The following CTNNA2 variants were observed in gnomAD, a reference collection of about 807,000 sequenced individuals.
The protein encoded by CTNNA2 is catenin alpha 2, also known as catenin alpha-2.
Under a neutral mutation model 101.0 loss-of-function variants are expected in CTNNA2, and 42 were observed. The ratio of observed to expected loss-of-function variants is 0.42; its 90% CI spans 0.32 to 0.54. The LOEUF is 0.54. Among genes scored for constraint, CTNNA2 ranks in the 20% least tolerant of loss-of-function variants. The probability of loss-of-function intolerance (pLI) is 0.14; values close to 1 mark genes in which losing one functional copy is unlikely to be tolerated. For synonymous variants in CTNNA2, 450 were observed against 456.4 expected, an observed-to-expected ratio of 0.99 and a Z score of 0.18; for missense variants, 871 against 1,223.1, an observed-to-expected ratio of 0.71 and a Z score of 4.29.
intron 4 of CTNNA2, among the ~76,000 whole-genome samples, chr2:79,469,613 C>T (rs942660628): frequency 7.2e-5 from 11 of 152,082 alleles, no homozygotes; most frequent in East Asian, 5.8e-4. Context: ...TGATGAACAT[C>T]GATGCAAAAA....
chr2:80,131,520 T>C (rs1040751713), intron 7 of CTNNA2, among the ~76,000 whole-genome samples: 1 of 152,176 alleles, frequency 6.6e-6, no homozygotes. Flanking sequence ...ATTTTTGTTC[T>C]TAGAGGGGAT....
At chr2:80,329,114 G>T (rs569158721) in intron 7 of CTNNA2, among the ~76,000 whole-genome samples, 2 of 152,292 alleles carry the variant, frequency 1.3e-5, no homozygotes, top group South Asian at 2.1e-4. Flanking sequence ...TTTGCAGAAA[G>T]TTCCCGAGAA....
chr2:80,632,037 TAAGAC>T (rs1672352694), intron 18 of CTNNA2, among the ~76,000 whole-genome samples: 1 of 152,134 alleles, frequency 6.6e-6, no homozygotes, highest in Non-Finnish European at 1.5e-5. Context: ...AATTGATGCA[TAAGAC>T]CACCTGACTG....
chr2:80,160,476 G>A (rs1704245569), intron 7 of CTNNA2, among the ~76,000 whole-genome samples: 1 of 151,972 alleles, frequency 6.6e-6, no homozygotes, highest in African/African-American at 2.4e-5. Flanking sequence ...TATCATCATT[G>A]CATAGTTTTC....
chr2:80,600,717 T>C (rs1173832009), intron 15 of CTNNA2, among the ~76,000 whole-genome samples: 2 of 152,086 alleles, frequency 1.3e-5, no homozygotes, highest in Admixed American at 6.6e-5. Context: ...AAAATAAATA[T>C]GCCACTTTCC....
chr2:79,982,341 T>C (rs1397764921), intron 7 of CTNNA2, among the ~76,000 whole-genome samples: 2 of 103,140 alleles, frequency 1.9e-5, no homozygotes, highest in African/African-American at 7.4e-5. Flanking sequence ...ATATAAAACA[T>C]ATATAACCTA....
At chr2:80,419,731 C>T (rs1680352773) in intron 9 of CTNNA2, 130 bp downstream of exon 9, 1 of 937,804 alleles carries the variant, frequency 1.1e-6, no homozygotes, top group Admixed American at 3.2e-5. Context: ...TCATTCTTTC[C>T]TTTACTTTCT....
intron 3 of CTNNA2, among the ~76,000 whole-genome samples, chr2:79,807,699 G>A (rs1676688736): frequency 6.6e-6 from 1 of 152,138 alleles, no homozygotes; most frequent in Non-Finnish European, 1.5e-5. Context: ...AGGAAGAAAA[G>A]TGCTGATGTA....
chr2:80,538,989 G>A lies in CTNNA2; in HGVS notation c.1291-5993G>A, dbSNP rs201827154. ...GGTATTATTTTATTATCTTTGTAGC[G>A]ATTGGGTCACAATGTATTTTTATGA... On this transcript the variant is annotated intron_variant, in intron 9 of 18. Transcript: ENST00000402739. Among the ~76,000 whole-genome samples the A allele has an allele frequency of 7.9e-5, 12 of 152,090 alleles. No individual in the cohort carries two copies. In the East Asian group the frequency reaches 2.3e-3, roughly 29 times the overall value.
chr2:79,326,548 C>T (rs944317729), intron 3 of CTNNA2, among the ~76,000 whole-genome samples: 7 of 151,974 alleles, frequency 4.6e-5, no homozygotes, highest in African/African-American at 1.2e-4. Flanking sequence ...AAATACTTGT[C>T]TTTCTTGGGC....
Position 79,477,132 on chromosome 2 carries a change from T to TTCTTTTTC in CTNNA2, c.-134-27920_-134-27913dup, listed in dbSNP as rs561582179. ...AATAGAGATGAGTTCATTGCATCAT[T>TTCTTTTTC]TCTTTTTCTTTTTATTTCTTTTTTT... On this transcript the variant is annotated intron_variant, in intron 4 of 21. Transcript: ENST00000466387. 3.6e-3 allele frequency among the ~76,000 whole-genome samples: 549 copies of TTCTTTTTC among 151,618 alleles called. 3 individuals are homozygous for TTCTTTTTC. The highest frequency in any genetic ancestry group is 5.6e-3 in the Non-Finnish European group (378 of 67,934).
At chr2:80,580,783 T>C (rs1695465849) in intron 13 of CTNNA2, among the ~76,000 whole-genome samples, 1 of 152,078 alleles carries the variant, frequency 6.6e-6, no homozygotes, top group Non-Finnish European at 1.5e-5. Context: ...GGGAGGCCAA[T>C]GCGGGCAGAT....
At chr2:79,667,638 A>G (rs1682512481) in intron 2 of CTNNA2, among the ~76,000 whole-genome samples, 1 of 152,216 alleles carries the variant, frequency 6.6e-6, no homozygotes, top group Non-Finnish European at 1.5e-5. Context: ...TCAAAATAGA[A>G]TTATAGTTCA....
intron 3 of CTNNA2, among the ~76,000 whole-genome samples, chr2:79,814,230 C>T (rs7574333): frequency 0.1 from 15,843 of 152,052 alleles, 1,176 homozygotes; most frequent in African/African-American, 0.2. Context: ...AAGAATTTTT[C>T]AAAAATATTT....
intron 7 of CTNNA2, among the ~76,000 whole-genome samples, chr2:80,229,918 G>A (rs1333011300): frequency 6.6e-6 from 1 of 152,160 alleles, no homozygotes; most frequent in Non-Finnish European, 1.5e-5. Context: ...TTTGGCCAAT[G>A]AGGGACTCCA....
At chr2:80,468,616 C>T (rs1168994175) in intron 9 of CTNNA2, among the ~76,000 whole-genome samples, 8 of 152,094 alleles carry the variant, frequency 5.3e-5, no homozygotes, top group Non-Finnish European at 1.0e-4. Context: ...CGGGGTTTCG[C>T]CATATTGGCC....
At chr2:80,407,124 A>C (rs1679142564) in intron 8 of CTNNA2, among the ~76,000 whole-genome samples, 1 of 152,154 alleles carries the variant, frequency 6.6e-6, no homozygotes, top group African/African-American at 2.4e-5. Context: ...TTATATTAGA[A>C]AAGGAATTTC....
At chr2:79,380,073 A>C (rs980842148) in intron 4 of CTNNA2, among the ~76,000 whole-genome samples, 1 of 152,198 alleles carries the variant, frequency 6.6e-6, no homozygotes, top group Non-Finnish European at 1.5e-5. Flanking sequence ...TCTTCTGTCC[A>C]GAGGGACATT....
At chr2:80,217,230 A>G (rs746374067) in intron 7 of CTNNA2, among the ~76,000 whole-genome samples, 2 of 152,116 alleles carry the variant, frequency 1.3e-5, no homozygotes, top group Non-Finnish European at 2.9e-5. Flanking sequence ...GTTGGCATAT[A>G]TATATTGCTA....
Sources: allele counts gnomAD v4.1 joint callset (sites outside exome capture counted in the v4.1 genomes callset), GRCh38; gene constraint gnomAD v4.1.1; transcripts MANE v1.5; gene names NCBI Gene and HGNC (gene_info 2026-07-23, HGNC 2026-07-21).